The following ZFR2 variants were observed in gnomAD, a reference collection of about 807,000 sequenced individuals.
The protein encoded by ZFR2 is zinc finger RNA binding protein 2.
ZFR2 carries 104 observed loss-of-function variants against 105.7 expected under a neutral mutation model. The observed-to-expected ratio is 0.98, with a 90% confidence interval of 0.84 to 1.16. The LOEUF is 1.16. Among genes scored for constraint, ZFR2 ranks in the 50% most tolerant of loss-of-function variants. The pLI is 0.00. For missense variants in ZFR2, 1,425 were observed against 1,355.5 expected, an observed-to-expected ratio of 1.05 and a Z score of -0.80; for synonymous variants, 634 against 597.7, an observed-to-expected ratio of 1.06 and a Z score of -0.89.
At chr19:3,832,974 C>T (rs73521166) in intron 3 of ZFR2, among the ~76,000 whole-genome samples, 59,276 of 150,188 alleles carry the variant, frequency 0.39, 11,659 homozygotes, top group East Asian at 0.45. Flanking sequence ...TCACGGGGTG[C>T]AGTGGCTCAC....
In ZFR2 at chr19:3,827,071, G is replaced by C. The variant is rs972533237; in HGVS notation, c.1035+400C>G. Among the ~76,000 whole-genome samples, 3 of 151,942 alleles carry C rather than the reference G, an allele frequency of 2.0e-5. No homozygotes were observed. The East Asian group carries it at 5.9e-4, about 30-fold the overall frequency. On this transcript the variant is annotated intron_variant, in intron 6 of 18. Transcript: ENST00000262961. ...AGCCTGGCCAACATGGTGAAACCCC[G>C]TCTCTACTGAAAACACAAAAATTAG...
chr19:3,827,070 C>T (rs1384639508), intron 6 of ZFR2, among the ~76,000 whole-genome samples: 2 of 151,916 alleles, frequency 1.3e-5, no homozygotes, highest in African/African-American at 4.8e-5. Flanking sequence ...GGTGAAACCC[C>T]GTCTCTACTG....
At chr19:3,822,828 T>C (rs1047496759) in intron 8 of ZFR2, among the ~76,000 whole-genome samples, 3 of 152,160 alleles carry the variant, frequency 2.0e-5, no homozygotes, top group Non-Finnish European at 2.9e-5. Flanking sequence ...CTGGCAGACC[T>C]GGCCCAGGAG....
rs1174730753 is a variant in ZFR2 at position 3,833,709 on chromosome 19, C to A, written c.334G>T (p.Ala112Ser). ...GCTGTCATGCGCCCAGACTGGAGGGCAGCAGACTGGAAGTACGGCCTGTCC... is the reference window on the plus strand; with the variant it reads ...GCTGTCATGCGCCCAGACTGGAGGGAAGCAGACTGGAAGTACGGCCTGTCC... The part of the protein sequence containing the change: ...YEDRPYFQSA[A>S]LQSGRMTAAD... Residue 112 changes from alanine to serine, a missense_variant, in exon 3 of 19, where the codon GCC becomes TCC. By Grantham distance (99) the Ala-to-Ser change is moderately conservative. Transcript: ENST00000262961. The A allele has an allele frequency of 6.3e-7, 1 of 1,578,368 alleles. No homozygotes were observed. Among genetic ancestry groups the A allele is most frequent in the Admixed American group, 1.8e-5 (1 of 55,134 alleles).
At chr19:3,832,679 C>T (rs1244013895) in intron 3 of ZFR2, among the ~76,000 whole-genome samples, 1 of 151,290 alleles carries the variant, frequency 6.6e-6, no homozygotes, top group Non-Finnish European at 1.5e-5. Flanking sequence ...GCTCTGCTGC[C>T]CAGGCTGGAG....
Position 3,823,888 on chromosome 19 carries a change from A to T in ZFR2, c.1214-485T>A, listed in dbSNP as rs180825194. 5.3e-4 allele frequency among the ~76,000 whole-genome samples: 80 copies of T among 152,320 alleles called. No individual in the cohort carries two copies. The highest frequency in any genetic ancestry group is 9.7e-4 in the Non-Finnish European group (66 of 68,030). The stretch of plus-strand genomic sequence containing the variant: ...AATGTGGCTCCCTCGACCCCTGCCC[A>T]CGCACAGCACGGTGGTCCAGGGCAG... On this transcript the variant is annotated intron_variant, in intron 7 of 18. Coordinates refer to ENST00000262961, the MANE Select transcript of ZFR2 (RefSeq NM_015174.2). This position sits in a 1 kb window ranked among gnomAD's most constrained non-coding sequence, Gnocchi z 5.4.
rs370107381 is a variant in ZFR2, at chr19:3,816,733, C to A, written c.2044G>T (p.Glu682Ter). The change falls in exon 13 of 19, where the codon GAG (glutamate) becomes TAG (stop). Residue 682 changes from glutamate (E) to a stop codon, truncating the protein, a stop_gained. Coordinates refer to ENST00000262961, the MANE Select transcript of ZFR2 (RefSeq NM_015174.2). LOFTEE classifies it high-confidence loss of function. ...RNVRLALLCS[E>*]KPTHSLLRRI... ...CGCAGCAGGCTGTGCGTGGGCTTCT[C>A]GGAGCAGAGCAGAGCGAGGCGCACG... is the stretch of plus-strand genomic sequence containing the variant. The A allele has an allele frequency of 3.7e-6, 6 of 1,612,576 alleles. No individual in the cohort carries two copies. Among genetic ancestry groups the A allele is most frequent in the Non-Finnish European group, 5.1e-6 (6 of 1,179,718 alleles).
intron 1 of ZFR2, among the ~76,000 whole-genome samples, chr19:3,843,072 A>C (rs1363038948): frequency 6.7e-6 from 1 of 149,388 alleles, no homozygotes; most frequent in African/African-American, 2.6e-5. Context: ...CTAGGTTCCT[A>C]CTCAAAGGAA....
chr19:3,815,729 AC>A (rs2037817798), intron 13 of ZFR2, among the ~76,000 whole-genome samples: 1 of 149,806 alleles, frequency 6.7e-6, no homozygotes, highest in Admixed American at 6.7e-5. Flanking sequence ...GACCACAGGT[AC>A]ATGCCGCCAT....
At chr19:3,814,419 TCA>T (rs1163983931) in intron 13 of ZFR2, among the ~76,000 whole-genome samples, 1 of 152,194 alleles carries the variant, frequency 6.6e-6, no homozygotes, top group Non-Finnish European at 1.5e-5. Context: ...GAGGTCTGTG[TCA>T]CAGTCTGGTC....
intron 7 of ZFR2, among the ~76,000 whole-genome samples, chr19:3,824,806 G>A (rs575808347): frequency 6.6e-6 from 1 of 152,252 alleles, no homozygotes; most frequent in African/African-American, 2.4e-5. Flanking sequence ...GCGTGGTGGT[G>A]CATGCCTATA....
chr19:3,827,698 T>C (rs1200305418), intron 5 of ZFR2, 45 bp from the exon 6 acceptor site: 1 of 1,551,584 alleles, frequency 6.4e-7, no homozygotes, highest in Non-Finnish European at 8.7e-7. Context: ...GTTTGCACAC[T>C]GGCCACTGTC....
In ZFR2 at chr19:3,813,695, G is replaced by A. The variant is rs1240838359; in HGVS notation, c.2242+125C>T. ...GAATCCTCAGGGGGACAGCAGTGCT[G>A]GAGCGTGGCTGCTGTGGCATTTCCT... On this transcript the variant is annotated intron_variant, in intron 14 of 18. Transcript: ENST00000262961. This position sits in a 1 kb window ranked among gnomAD's most constrained non-coding sequence, Gnocchi z 4.4. The A allele has an allele frequency of 2.9e-6, 4 of 1,368,242 alleles. No homozygotes were observed. The African/African-American group carries it at 4.3e-5, about 15-fold the overall frequency. 84.8% of individuals were successfully genotyped at this position (1,368,242 alleles called of 1,614,324 possible).
rs113148739 is a variant in ZFR2, at chr19:3,834,518, C to T, written c.264+255G>A. ...GCTGAAGCTGGGACAAAGCTCTGTG[C>T]GCCGTCACTGTCCCCACTGCCCCGA... On this transcript the variant is annotated intron_variant, in intron 2 of 18. Transcript: ENST00000262961. This position sits in a 1 kb window ranked among gnomAD's most constrained non-coding sequence, Gnocchi z 5.3. Among the ~76,000 whole-genome samples the T allele has an allele frequency of 0.016, 2,378 of 152,246 alleles. 63 individuals are homozygous for T. The highest frequency in any genetic ancestry group is 0.054 in the African/African-American group (2,261 of 41,534).
Position 3,805,957 on chromosome 19 carries a change from G to A in ZFR2, c.2812C>T (p.Leu938Phe). 6.5e-7 allele frequency: 1 copy of A among 1,533,078 alleles called. No homozygotes were observed. The highest frequency in any genetic ancestry group is 8.8e-7 in the Non-Finnish European group (1 of 1,142,766). The allele number at this position is 1,533,078 out of a possible 1,614,324, so 95.0% of individuals were successfully genotyped here. A position where few individuals can be genotyped will look rare whatever the true frequency, so the allele number is the denominator to read the frequency against. ...TGGGGGAGGTAGGCGGCTCACACGA[G>A]CCCCTCTCCGCCCCGCCGGCCCCGC... ...KKRGRRGGEG[L>F]V Residue 938 changes from leucine (L) to phenylalanine (F), a missense_variant, in exon 19 of 19, where the codon CTC becomes TTC. By Grantham distance (22) the Leu-to-Phe change is conservative. Coordinates refer to ENST00000262961, the MANE Select transcript of ZFR2 (RefSeq NM_015174.2).
At chr19:3,824,509 G>A (rs1396087347) in intron 7 of ZFR2, among the ~76,000 whole-genome samples, 2 of 150,210 alleles carry the variant, frequency 1.3e-5, no homozygotes, top group Non-Finnish European at 3.0e-5. Context: ...ATATAACTCT[G>A]ATTCTGAGCC....
chr19:3,809,086 T>G, intron 16 of ZFR2, 103 bp from the exon 17 acceptor site: 1 of 830,624 alleles, frequency 1.2e-6, no homozygotes, highest in African/African-American at 1.8e-5. Context: ...CCCTCAGCTC[T>G]TTCTCTAACT....
intron 8 of ZFR2, among the ~76,000 whole-genome samples, chr19:3,822,971 C>T (rs1431484992): frequency 6.6e-6 from 1 of 152,242 alleles, no homozygotes; most frequent in South Asian, 2.1e-4. Flanking sequence ...ACCTTCCAGA[C>T]AGACGGCTCC....
At chr19:3,862,418 C>A (rs549066241) in intron 1 of ZFR2, among the ~76,000 whole-genome samples, 194 of 152,332 alleles carry the variant, frequency 1.3e-3, no homozygotes, top group African/African-American at 4.5e-3. Context: ...CTGCCTCAGC[C>A]TCCCGAGTAG....
Sources: allele counts gnomAD v4.1 joint callset (sites outside exome capture counted in the v4.1 genomes callset), GRCh38; gene constraint gnomAD v4.1.1; non-coding constraint Gnocchi (gnomAD v3.1); transcripts MANE v1.5; gene names NCBI Gene and HGNC (gene_info 2026-07-23, HGNC 2026-07-21).